Variants in SCN9A observed in about 807,000 individuals in gnomAD.
SCN9A encodes the protein sodium voltage-gated channel alpha subunit 9.
SCN9A carries 131 observed loss-of-function variants against 187.0 expected under a neutral mutation model. The observed-to-expected ratio is 0.70, with a 90% CI of 0.61 to 0.81. The LOEUF (loss-of-function observed/expected upper bound fraction) is 0.81. Among genes scored for constraint, SCN9A ranks in the 30% least tolerant of loss-of-function variants. The pLI is 0.00. For missense variants in SCN9A, 2,252 were observed against 2,396.6 expected, an observed-to-expected ratio of 0.94 and a Z score of 1.26; for synonymous variants, 809 against 808.6, an observed-to-expected ratio of 1.00 and a Z score of -0.01.
chr2:166,273,024 A>T, intron 16 of SCN9A, 149 bp from the exon 17 acceptor site: 1 of 439,968 alleles, frequency 2.3e-6, no homozygotes, highest in Admixed American at 3.9e-5. Context: ...ATAAGACCAC[A>T]TGAGAGAGAC....
intron 2 of SCN9A, among the ~76,000 whole-genome samples, chr2:166,308,788 TG>T (rs2106530376): frequency 6.6e-6 from 1 of 151,400 alleles, no homozygotes; most frequent in East Asian, 2.0e-4. Context: ...TAGCCAGGTG[TG>T]GTGGCGGGTA....
rs779717961 is a variant in SCN9A at position 166,293,240 on chromosome 2, A to G, written c.1098T>C (p.Leu366=). 2.5e-6 allele frequency: 4 copies of G among 1,582,560 alleles called. No individual in the cohort carries two copies. The South Asian group carries it at 3.5e-5, about 14-fold the overall frequency. The part of the protein sequence containing the change: ...RLMTQDYWEN[L]YQQTLRAAGK... ...TTCTCTTGGTACTCACCTGTTGGTA[A>G]AGGTTTTCCCAGTAATCTTGGGTCA... Residue 366 remains leucine, a synonymous_variant, in exon 9 of 27, where the codon CTT becomes CTC. Coordinates refer to ENST00000642356, the MANE Select transcript of SCN9A (RefSeq NM_001365536.1).
At chr2:166,218,474 G>A (rs1027083776) in intron 24 of SCN9A, among the ~76,000 whole-genome samples, 1 of 152,022 alleles carries the variant, frequency 6.6e-6, no homozygotes, top group Admixed American at 6.5e-5. Flanking sequence ...GCATATAAAG[G>A]TGGTTGCCAT....
chr2:166,314,032 G>A (rs1372247066), intron 1 of SCN9A, among the ~76,000 whole-genome samples: 1 of 152,146 alleles, frequency 6.6e-6, no homozygotes. Context: ...TGTCTTATGT[G>A]GATGTGGTTC....
intron 21 of SCN9A, among the ~76,000 whole-genome samples, chr2:166,229,248 T>C (rs1001835053): frequency 2.0e-5 from 3 of 151,274 alleles, no homozygotes; most frequent in Non-Finnish European, 4.4e-5. Context: ...TAAGACAAAA[T>C]AACTAAGATA....
chr2:166,211,053 C>CTCTA (rs1694066764), intron 24 of SCN9A, among the ~76,000 whole-genome samples: 1 of 108,616 alleles, frequency 9.2e-6, no homozygotes, highest in South Asian at 3.3e-4. Flanking sequence ...CACGGTGAAA[C>CTCTA]TCTATCTCGG....
intron 2 of SCN9A, 130 bp downstream of exon 2, chr2:166,311,369 T>C (rs1468384281): frequency 8.6e-6 from 1 of 116,348 alleles, no homozygotes; most frequent in Non-Finnish European, 1.7e-5. Flanking sequence ...TATATATATA[T>C]ATATATATTT....
chr2:166,198,972 C>T lies in SCN9A; in HGVS notation c.5667G>A (p.Glu1889=). The T allele has an allele frequency of 6.2e-7, 1 of 1,613,998 alleles. No homozygotes were observed. The highest frequency in any genetic ancestry group is 8.5e-7 in the Non-Finnish European group (1 of 1,179,910). The stretch of plus-strand genomic sequence containing the variant: ...GCTGAATGACAGTAGCAGACACATC[C>T]TCTTGTTTCCGTTTTAGTGTGGTTG... ...PITTTLKRKQ[E]DVSATVIQRA... Residue 1889 remains glutamate, a synonymous_variant, in exon 27 of 27, where the codon GAG becomes GAA. Transcript: ENST00000642356.
intron 1 of SCN9A, among the ~76,000 whole-genome samples, chr2:166,315,704 G>A: frequency 6.6e-6 from 1 of 152,198 alleles, no homozygotes; most frequent in East Asian, 1.9e-4. Context: ...TACCAGGCCA[G>A]TGGGGTGGCA....
At chr2:166,231,691 A>G (rs970917097) in intron 21 of SCN9A, among the ~76,000 whole-genome samples, 9 of 151,430 alleles carry the variant, frequency 5.9e-5, no homozygotes, top group African/African-American at 4.9e-5. Flanking sequence ...AGCTGAGACT[A>G]CAGGTGAGCA....
chr2:166,226,102 A>T (rs1197763174), intron 24 of SCN9A, among the ~76,000 whole-genome samples: 1 of 152,186 alleles, frequency 6.6e-6, no homozygotes, highest in African/African-American at 2.4e-5. Context: ...CTTAATTTTC[A>T]TTACCTGTGT....
intron 24 of SCN9A, among the ~76,000 whole-genome samples, chr2:166,221,074 G>T (rs1397619727): frequency 6.6e-6 from 1 of 151,994 alleles, no homozygotes; most frequent in Admixed American, 6.6e-5. Flanking sequence ...AACATCAAAA[G>T]AAATAAAATA....
chr2:166,364,788 C>T lies in SCN9A; in HGVS notation c.-51+10909G>A, dbSNP rs1179120607. ...TGTACAACATGAATGTGCTTAATAC[C>T]TCTAAACTGTACATTTGAAATGGTT... On this transcript the variant is annotated intron_variant, in intron 1 of 26. Transcript: ENST00000642356. Among the ~76,000 whole-genome samples, 12 of 152,110 alleles carry T rather than the reference C, an allele frequency of 7.9e-5. No homozygotes were observed. The East Asian group carries it at 1.5e-3, about 20-fold the overall frequency.
chr2:166,301,174 G>A (rs1233287703), intron 7 of SCN9A: 1 of 145,200 alleles, frequency 6.9e-6, no homozygotes, highest in Non-Finnish European at 1.5e-5. Flanking sequence ...ATTCCAGAAA[G>A]CGATGAATTA....
intron 1 of SCN9A, among the ~76,000 whole-genome samples, chr2:166,366,428 G>T (rs1700418685): frequency 6.6e-6 from 1 of 151,968 alleles, no homozygotes; most frequent in Admixed American, 6.6e-5. Flanking sequence ...ATCTGTTGAT[G>T]ATCATTTGGG....
chr2:166,279,624 G>C (rs181577610), intron 14 of SCN9A, among the ~76,000 whole-genome samples: 1 of 151,962 alleles, frequency 6.6e-6, no homozygotes, highest in Admixed American at 6.6e-5. Flanking sequence ...CAACCATTTT[G>C]GTTTCTCAAA....
Position 166,238,142 on chromosome 2 carries a change from T to C in SCN9A, c.3753A>G (p.Lys1251=). ...AACACCAGGCATTGGTGAAATATGT[T>C]TTATAACCATATGCTATCCATTTTA... ...MLLKWIAYGY[K]TYFTNAWCWL... The change falls in exon 20 of 27, where the codon AAA becomes AAG. Residue 1251 remains lysine, a synonymous_variant. Coordinates refer to ENST00000642356, the MANE Select transcript of SCN9A (RefSeq NM_001365536.1). The C allele has an allele frequency of 6.2e-7, 1 of 1,611,690 alleles. No individual in the cohort carries two copies. Among genetic ancestry groups the C allele is most frequent in the Non-Finnish European group, 8.5e-7 (1 of 1,178,740 alleles).
At chr2:166,222,945 C>CAAAACAAAAAAAAAA (rs1694665971) in intron 24 of SCN9A, among the ~76,000 whole-genome samples, 1 of 44,984 alleles carries the variant, frequency 2.2e-5, no homozygotes, top group East Asian at 6.7e-4. Flanking sequence ...AAAAAAACAA[C>CAAAACAAAAAAAAAA]AAAAAAAAAA....
intron 17 of SCN9A, among the ~76,000 whole-genome samples, chr2:166,257,401 A>G (rs79621282): frequency 0.012 from 1,785 of 151,800 alleles, 34 homozygotes; most frequent in African/African-American, 0.041. Flanking sequence ...TCTGTTAACT[A>G]CTAATACTAC....
Sources: allele counts gnomAD v4.1 joint callset (sites outside exome capture counted in the v4.1 genomes callset), GRCh38; gene constraint gnomAD v4.1.1; transcripts MANE v1.5; gene names NCBI Gene and HGNC (gene_info 2026-07-23, HGNC 2026-07-21).